The following LUZP2 variants were observed in gnomAD, a reference collection of about 807,000 sequenced individuals.
The protein encoded by LUZP2 is leucine zipper protein 2.
A neutral mutation model predicts 51.6 loss-of-function variants in LUZP2; 52 were observed. The observed-to-expected ratio is 1.01, with a 90% CI of 0.81 to 1.27. The LOEUF (loss-of-function observed/expected upper bound fraction) is 1.27. Among genes scored for constraint, LUZP2 ranks in the 50% most tolerant of loss-of-function variants. The pLI is 0.00. For synonymous variants in LUZP2, 154 were observed against 137.3 expected (o/e 1.12, Z -0.85); for missense variants, 436 against 395.4 (o/e 1.10, Z -0.87).
At chr11:24,620,233 G>C (rs867515753) in intron 1 of LUZP2, among the ~76,000 whole-genome samples, 2 of 151,396 alleles carry the variant, frequency 1.3e-5, no homozygotes, top group African/African-American at 4.9e-5. Flanking sequence ...CACTGTTAGG[G>C]AATAATATTT....
At chr11:24,518,487 T>C (rs915648248) in intron 1 of LUZP2, among the ~76,000 whole-genome samples, 2 of 152,188 alleles carry the variant, frequency 1.3e-5, no homozygotes, top group Non-Finnish European at 1.5e-5. Context: ...AGAAATTTCT[T>C]CCTCCTTTTT....
chr11:24,798,956 C>G (rs773464974), intron 5 of LUZP2, among the ~76,000 whole-genome samples: 6 of 152,046 alleles, frequency 3.9e-5, no homozygotes, highest in Non-Finnish European at 5.9e-5. Flanking sequence ...TTCAACATTG[C>G]TACTAAGAGA....
intron 4 of LUZP2, among the ~76,000 whole-genome samples, chr11:24,755,153 GAA>G (rs926716487): frequency 7.2e-6 from 1 of 139,482 alleles, no homozygotes; most frequent in Non-Finnish European, 1.5e-5. Flanking sequence ...CTAAAAAACA[GAA>G]AAAAAAAACA....
chr11:24,504,085 A>G (rs1590111277), intron 1 of LUZP2, among the ~76,000 whole-genome samples: 1 of 152,142 alleles, frequency 6.6e-6, no homozygotes, highest in East Asian at 1.9e-4. Context: ...CTCCCATAAG[A>G]TACATCTATA....
intron 5 of LUZP2, among the ~76,000 whole-genome samples, chr11:24,787,452 C>T (rs899950271): frequency 7.9e-5 from 12 of 152,036 alleles, no homozygotes; most frequent in South Asian, 4.1e-4. Flanking sequence ...GCTATAATGA[C>T]GATAATTATT....
At chr11:24,783,989 A>G (rs1043859553) in intron 5 of LUZP2, among the ~76,000 whole-genome samples, 1 of 151,938 alleles carries the variant, frequency 6.6e-6, no homozygotes, top group Non-Finnish European at 1.5e-5. Context: ...TAAGAATTTC[A>G]ATTGAAACTA....
intron 5 of LUZP2, among the ~76,000 whole-genome samples, chr11:24,842,674 C>T (rs1166188843): frequency 6.6e-6 from 1 of 151,852 alleles, no homozygotes; most frequent in Non-Finnish European, 1.5e-5. Flanking sequence ...CTAAATTACT[C>T]TTTGGTCAGG....
At chr11:24,723,176 A>G (rs192849299) in intron 1 of LUZP2, among the ~76,000 whole-genome samples, 9 of 152,302 alleles carry the variant, frequency 5.9e-5, no homozygotes, top group African/African-American at 1.9e-4. Context: ...AGCTAAAATG[A>G]GATGCTATTA....
chr11:24,616,976 T>C (rs1342182789), intron 1 of LUZP2, among the ~76,000 whole-genome samples: 1 of 152,192 alleles, frequency 6.6e-6, no homozygotes, highest in Admixed American at 6.5e-5. Context: ...ATTCGGCTTT[T>C]GTTAGGTAAA....
intron 5 of LUZP2, among the ~76,000 whole-genome samples, chr11:24,865,649 C>T (rs1301415408): frequency 6.6e-6 from 1 of 151,752 alleles, no homozygotes; most frequent in Non-Finnish European, 1.5e-5. Context: ...ACAGCATTCC[C>T]CTTAAATGTC....
intron 3 of LUZP2, 59 bp from the exon 4 acceptor site, chr11:24,738,162 A>C: frequency 8.3e-7 from 1 of 1,202,728 alleles, no homozygotes; most frequent in East Asian, 2.4e-5. Flanking sequence ...TATAATGTTC[A>C]TAGGAAATAA....
intron 1 of LUZP2, among the ~76,000 whole-genome samples, chr11:24,574,271 T>G (rs867147499): frequency 8.0e-5 from 3 of 37,314 alleles, no homozygotes; most frequent in African/African-American, 1.7e-4. Flanking sequence ...TTGCTTTCTT[T>G]CTTTCTTTCT....
At chr11:25,045,273 A>G (rs4923233) in intron 9 of LUZP2, among the ~76,000 whole-genome samples, 72,388 of 151,770 alleles carry the variant, frequency 0.48, 17,557 homozygotes, top group Non-Finnish European at 0.51. Context: ...AATTAAGTGG[A>G]ATAGCATCAG....
At chr11:24,844,479 T>C (rs1347793875) in intron 5 of LUZP2, among the ~76,000 whole-genome samples, 1 of 152,132 alleles carries the variant, frequency 6.6e-6, no homozygotes, top group East Asian at 1.9e-4. Context: ...ATTTGCACCC[T>C]GACAATACAA....
At chr11:24,585,765 G>A (rs1362279744) in intron 1 of LUZP2, among the ~76,000 whole-genome samples, 1 of 151,976 alleles carries the variant, frequency 6.6e-6, no homozygotes, top group African/African-American at 2.4e-5. Flanking sequence ...CTCTGAATGA[G>A]CCGCTTTCAG....
intron 4 of LUZP2, among the ~76,000 whole-genome samples, chr11:24,757,815 TA>T (rs1323483866): frequency 1.3e-5 from 2 of 151,986 alleles, no homozygotes; most frequent in East Asian, 3.9e-4. Flanking sequence ...TAATTAATTT[TA>T]AATTGTAAAC....
rs752924145 is a variant in LUZP2, at chr11:24,602,327, CAT to C, written c.62+105030_62+105031del. On this transcript the variant is annotated intron_variant, in intron 1 of 11. Coordinates refer to ENST00000336930, the MANE Select transcript of LUZP2 (RefSeq NM_001009909.4). ...ATATATACACACATATATACACACA[CAT>C]ATATATACATATATATGTATAAATC... Among the ~76,000 whole-genome samples the C allele has an allele frequency of 3.7e-3, 297 of 79,906 alleles. 5 individuals carry two copies. The highest frequency in any genetic ancestry group is 0.03 in the South Asian group (90 of 2,966). The allele number at this position is 79,906 out of a possible 152,430, so 52.4% of individuals were successfully genotyped here. A position where few individuals can be genotyped will look rare whatever the true frequency, so the allele number is the denominator to read the frequency against.
At chr11:24,878,277 T>C (rs958756952) in intron 5 of LUZP2, among the ~76,000 whole-genome samples, 33 of 152,214 alleles carry the variant, frequency 2.2e-4, no homozygotes, top group African/African-American at 7.9e-4. Context: ...AAAGTCTTTA[T>C]TTCCCCTTCA....
rs546576775 is a variant in LUZP2 at position 24,498,048 on chromosome 11, A to T, written c.62+743A>T. Among the ~76,000 whole-genome samples, 3 of 152,254 alleles carry T rather than the reference A, an allele frequency of 2.0e-5. No homozygotes were observed. In the South Asian group the frequency reaches 6.2e-4, roughly 32 times the overall value. ...TTTGGTGGAGATTTAAAATGCAGAG[A>T]TTGAGAAGAGTTTTGTGACTCCCCA... On this transcript the variant is annotated intron_variant, in intron 1 of 11. Transcript: ENST00000336930.
Sources: allele counts gnomAD v4.1 joint callset (sites outside exome capture counted in the v4.1 genomes callset), GRCh38; gene constraint gnomAD v4.1.1; transcripts MANE v1.5; gene names NCBI Gene and HGNC (gene_info 2026-07-23, HGNC 2026-07-21).